The following ADGRB3 variants were observed in gnomAD, a reference collection of about 807,000 sequenced individuals.
ADGRB3 encodes the protein adhesion G protein-coupled receptor B3, also known as brain-specific angiogenesis inhibitor 3.
In ADGRB3, 37 loss-of-function variants were observed where a neutral mutation model predicts 193.4. That is an observed-to-expected ratio of 0.19 (90% CI 0.15 to 0.25). The LOEUF (loss-of-function observed/expected upper bound fraction) is 0.25, where lower values mean the gene tolerates loss of function less well. Among genes scored for constraint, ADGRB3 ranks in the 10% least tolerant of loss-of-function variants. The probability of loss-of-function intolerance (pLI) is 1.00; values close to 1 mark genes in which losing one functional copy is unlikely to be tolerated. For synonymous variants in ADGRB3, 690 were observed against 644.2 expected, an observed-to-expected ratio of 1.07 and a Z score of -1.08; for missense variants, 1,637 against 1,852.9, an observed-to-expected ratio of 0.88 and a Z score of 2.14.
chr6:69,007,418 C>G (rs920036456), intron 11 of ADGRB3, among the ~76,000 whole-genome samples: 1 of 152,018 alleles, frequency 6.6e-6, no homozygotes, highest in African/African-American at 2.4e-5. Context: ...CATTTTCACC[C>G]TCTATTAATA....
At chr6:69,184,518 C>T (rs1404722401) in intron 17 of ADGRB3, among the ~76,000 whole-genome samples, 1 of 152,054 alleles carries the variant, frequency 6.6e-6, no homozygotes, top group Non-Finnish European at 1.5e-5. Flanking sequence ...TTATAATTTT[C>T]TGTGACATAA....
intron 30 of ADGRB3, among the ~76,000 whole-genome samples, chr6:69,378,176 A>G (rs1769870492): frequency 6.6e-6 from 1 of 152,096 alleles, no homozygotes; most frequent in Non-Finnish European, 1.5e-5. Flanking sequence ...AAGACCAGCC[A>G]TTAAAAATAT....
At chr6:68,768,650 A>G (rs1405936671) in intron 3 of ADGRB3, among the ~76,000 whole-genome samples, 1 of 152,204 alleles carries the variant, frequency 6.6e-6, no homozygotes, top group East Asian at 1.9e-4. Flanking sequence ...TCACGACTAA[A>G]ACACCAAAAG....
rs552920934 is a variant in ADGRB3, at chr6:68,691,271, A to T, written c.757+51839A>T. On this transcript the variant is annotated intron_variant, in intron 3 of 31. Coordinates refer to ENST00000370598, the MANE Select transcript of ADGRB3 (RefSeq NM_001704.3). ...TAGACGTTGTGGTAAGTTTCTCATCATGTTTTCTTGCTTTTCTCTGAAATA... is the reference window on the plus strand; with the variant it reads ...TAGACGTTGTGGTAAGTTTCTCATCTTGTTTTCTTGCTTTTCTCTGAAATA... 2.6e-5 allele frequency among the ~76,000 whole-genome samples: 4 copies of T among 152,168 alleles called. No homozygotes were observed. The South Asian group carries it at 8.3e-4, about 32-fold the overall frequency.
intron 3 of ADGRB3, among the ~76,000 whole-genome samples, chr6:68,767,060 T>C: frequency 6.6e-6 from 1 of 152,108 alleles, no homozygotes; most frequent in East Asian, 1.9e-4. Flanking sequence ...ACTTTATAAC[T>C]CCAGACTTCC....
intron 3 of ADGRB3, among the ~76,000 whole-genome samples, chr6:68,724,506 A>G (rs560984345): frequency 3.8e-4 from 57 of 151,774 alleles, no homozygotes; most frequent in Non-Finnish European, 7.2e-4. Flanking sequence ...AGCATCTTTT[A>G]TAATTTAAGA....
At chr6:68,914,233 C>T (rs1176147626) in intron 3 of ADGRB3, among the ~76,000 whole-genome samples, 12 of 150,322 alleles carry the variant, frequency 8.0e-5, no homozygotes, top group Non-Finnish European at 8.9e-5. Flanking sequence ...CTCCAAGACA[C>T]ATAATTGTCA....
chr6:68,966,672 C>T (rs1366074944), intron 8 of ADGRB3, among the ~76,000 whole-genome samples: 1 of 152,184 alleles, frequency 6.6e-6, no homozygotes, highest in Non-Finnish European at 1.5e-5. Flanking sequence ...CAGGGCTTCT[C>T]AGCTTAGAGT....
intron 17 of ADGRB3, among the ~76,000 whole-genome samples, chr6:69,139,782 CTGTT>C (rs1206991252): frequency 6.6e-6 from 1 of 152,190 alleles, no homozygotes; most frequent in Non-Finnish European, 1.5e-5. Flanking sequence ...ACAGATCTGT[CTGTT>C]GTCTTAACCA....
intron 29 of ADGRB3, among the ~76,000 whole-genome samples, chr6:69,370,355 A>AT (rs1404821598): frequency 6.6e-6 from 1 of 151,978 alleles, no homozygotes; most frequent in Non-Finnish European, 1.5e-5. Context: ...AAAATCTGTC[A>AT]TTTTTTCCCA....
Position 68,871,697 on chromosome 6 carries a change from A to G in ADGRB3, c.758-58862A>G, listed in dbSNP as rs185664995. The stretch of plus-strand genomic sequence containing the variant: ...ATTTGAAGTTTTTAATAAAGGATTA[A>G]GAGAGTTATTCACTTGCATTAGTCT... On this transcript the variant is annotated intron_variant, in intron 3 of 31. Coordinates refer to ENST00000370598, the MANE Select transcript of ADGRB3 (RefSeq NM_001704.3). 1.0e-3 allele frequency among the ~76,000 whole-genome samples: 154 copies of G among 152,226 alleles called. 1 individual carries two copies. The highest frequency in any genetic ancestry group is 1.6e-4 in the Non-Finnish European group (11 of 67,960).
chr6:69,338,811 CT>C (rs1471371498), intron 24 of ADGRB3, 104 bp from the exon 25 acceptor site: 9 of 901,736 alleles, frequency 1.0e-5, no homozygotes, highest in Admixed American at 8.1e-5. Flanking sequence ...GATAAATATA[CT>C]TTTCTGCATG....
chr6:69,318,216 C>T (rs200415158), intron 20 of ADGRB3, among the ~76,000 whole-genome samples: 1 of 151,202 alleles, frequency 6.6e-6, no homozygotes, highest in East Asian at 1.9e-4. Context: ...TACAAGATTT[C>T]AAAAGATGAT....
intron 20 of ADGRB3, among the ~76,000 whole-genome samples, chr6:69,290,568 A>T: frequency 6.6e-6 from 1 of 152,170 alleles, no homozygotes; most frequent in East Asian, 1.9e-4. Context: ...CTTTAATTAT[A>T]TTTGTCAGTA....
At chr6:69,269,073 A>G (rs62408270) in intron 20 of ADGRB3, among the ~76,000 whole-genome samples, 14,624 of 152,208 alleles carry the variant, frequency 0.096, 759 homozygotes, top group Admixed American at 0.12. Context: ...AAATCATCAC[A>G]TTTACACCTC....
chr6:68,670,819 A>C (rs1768935327), intron 3 of ADGRB3, among the ~76,000 whole-genome samples: 1 of 151,944 alleles, frequency 6.6e-6, no homozygotes. Flanking sequence ...TTTGATAGGG[A>C]TTTCATTGAA....
chr6:69,070,777 T>A (rs1562146322), intron 16 of ADGRB3, among the ~76,000 whole-genome samples: 1 of 152,208 alleles, frequency 6.6e-6, no homozygotes, highest in Non-Finnish European at 1.5e-5. Context: ...TGTGAAAACA[T>A]CATTAATATA....
intron 3 of ADGRB3, among the ~76,000 whole-genome samples, chr6:68,735,712 C>T (rs1765857235): frequency 6.6e-6 from 1 of 152,018 alleles, no homozygotes; most frequent in African/African-American, 2.4e-5. Context: ...GATCATTATT[C>T]CATGGACGCT....
At chr6:69,080,896 C>T (rs756848958) in intron 17 of ADGRB3, among the ~76,000 whole-genome samples, 23 of 151,912 alleles carry the variant, frequency 1.5e-4, no homozygotes, top group African/African-American at 5.3e-4. Context: ...GTATGACAAA[C>T]GTATGATGTT....
Sources: allele counts gnomAD v4.1 joint callset (sites outside exome capture counted in the v4.1 genomes callset), GRCh38; gene constraint gnomAD v4.1.1; transcripts MANE v1.5; gene names NCBI Gene and HGNC (gene_info 2026-07-23, HGNC 2026-07-21).